FAAH2: variants seen among roughly 807,000 people sequenced by gnomAD.
The protein encoded by FAAH2 is fatty acid amide hydrolase 2.
In FAAH2, 60 loss-of-function variants were observed where a neutral mutation model predicts 36.9. The observed-to-expected ratio is 1.63, with a 90% CI of 1.32 to 2.02. FAAH2 has a LOEUF of 2.02. Ranked by LOEUF, FAAH2 falls within the 30% of genes most tolerant of loss-of-function variation. The pLI is 0.00. For synonymous variants in FAAH2, 214 were observed against 143.8 expected, an observed-to-expected ratio of 1.49 and a Z score of -3.49; for missense variants, 689 against 397.5, an observed-to-expected ratio of 1.73 and a Z score of -6.23.
chrX:57,276,403 C>A, the FAAH2 span, among the ~76,000 whole-genome samples: 542 of 112,003 alleles, frequency 4.8e-3, 3 homozygotes, highest in African/African-American at 0.017. Context: ...ATACCAGAAT[C>A]TTTGTGACAC....
At chrX:57,258,109 T>C in the FAAH2 span, among the ~76,000 whole-genome samples, 1 of 111,146 alleles carries the variant, frequency 9.0e-6, no homozygotes, top group African/African-American at 3.3e-5. Flanking sequence ...CATAGAACAG[T>C]GGAACAGAAT....
intron 7 of FAAH2, among the ~76,000 whole-genome samples, chrX:57,383,258 A>G (rs2054907855): frequency 8.9e-6 from 1 of 112,084 alleles, no homozygotes; most frequent in African/African-American, 3.2e-5. Flanking sequence ...CCCTTTGAAA[A>G]CTGGCACAAG....
intron 10 of FAAH2, among the ~76,000 whole-genome samples, chrX:57,480,263 G>A (rs769586367): frequency 1.5e-4 from 17 of 111,725 alleles, no homozygotes; most frequent in African/African-American, 5.5e-4. Flanking sequence ...CTCATTTTAT[G>A]GGGCCAGCAT....
At chrX:57,365,198 G>T (rs766484192) in intron 5 of FAAH2, among the ~76,000 whole-genome samples, 2 of 111,981 alleles carry the variant, frequency 1.8e-5, no homozygotes, top group East Asian at 5.6e-4. Flanking sequence ...GCAGGTACTG[G>T]TCTTTCATTT....
At chrX:57,269,758 C>T in the FAAH2 span, among the ~76,000 whole-genome samples, 5 of 110,920 alleles carry the variant, frequency 4.5e-5, no homozygotes, top group Non-Finnish European at 9.4e-5. Context: ...GCACTAAATG[C>T]CCACAGAAAA....
intron 5 of FAAH2, among the ~76,000 whole-genome samples, chrX:57,359,481 A>T (rs571582631): frequency 3.6e-5 from 4 of 111,667 alleles, no homozygotes; most frequent in South Asian, 3.7e-4. Context: ...ATAGATTGGA[A>T]ATCATGTTTT....
chrX:57,153,364 T>G, the FAAH2 span, among the ~76,000 whole-genome samples: 2 of 112,386 alleles, frequency 1.8e-5, no homozygotes, highest in Non-Finnish European at 3.8e-5. Flanking sequence ...CCATTTATAT[T>G]CAATGTTAGT....
the FAAH2 span, among the ~76,000 whole-genome samples, chrX:57,273,290 A>G: frequency 1.9e-4 from 21 of 111,417 alleles, no homozygotes; most frequent in Non-Finnish European, 3.6e-4. Context: ...AGAAAGACTT[A>G]GACTCCCACA....
At chrX:57,447,885 G>C (rs1407471112) in intron 9 of FAAH2, among the ~76,000 whole-genome samples, 1 of 112,192 alleles carries the variant, frequency 8.9e-6, no homozygotes, top group Non-Finnish European at 1.9e-5. Flanking sequence ...ATTAACATTT[G>C]GATCCTCCTT....
At chrX:57,444,847 C>A (rs1410575479) in intron 8 of FAAH2, among the ~76,000 whole-genome samples, 2 of 111,767 alleles carry the variant, frequency 1.8e-5, no homozygotes, top group African/African-American at 3.3e-5. Context: ...AAATTTTAAT[C>A]TTTAAAAAAT....
At chrX:57,372,553 T>C (rs2054577623) in intron 5 of FAAH2, among the ~76,000 whole-genome samples, 3 of 111,095 alleles carry the variant, frequency 2.7e-5, no homozygotes, top group African/African-American at 6.5e-5. Flanking sequence ...TTTATTTTTA[T>C]ATTCCAGGTC....
intron 8 of FAAH2, among the ~76,000 whole-genome samples, chrX:57,441,357 C>G (rs2056550353): frequency 9.0e-6 from 1 of 111,128 alleles, no homozygotes; most frequent in Non-Finnish European, 1.9e-5. Flanking sequence ...GGAATTTATC[C>G]GTTTCTTCTA....
At chrX:57,216,483 A>ATT in the FAAH2 span, among the ~76,000 whole-genome samples, 1 of 67,262 alleles carries the variant, frequency 1.5e-5, no homozygotes, top group Non-Finnish European at 3.0e-5. Flanking sequence ...GTAGTATTCT[A>ATT]TTATATATAT....
chrX:57,136,900 C>G, the FAAH2 span: 26 of 687,160 alleles, frequency 3.8e-5, no homozygotes, highest in Non-Finnish European at 5.4e-5. Context: ...TTTACTGCCA[C>G]TAGCATCCAC....
intron 2 of FAAH2, among the ~76,000 whole-genome samples, chrX:57,303,761 G>C (rs898952217): frequency 4.5e-5 from 5 of 111,528 alleles, no homozygotes; most frequent in Non-Finnish European, 9.4e-5. Flanking sequence ...TTAATATTTT[G>C]CCGTGCCTAA....
the FAAH2 span, among the ~76,000 whole-genome samples, chrX:57,179,390 A>G: frequency 1.8e-5 from 2 of 111,864 alleles, no homozygotes; most frequent in Non-Finnish European, 3.8e-5. Flanking sequence ...CTCACATGCA[A>G]TGACACCCAT....
In FAAH2 at chrX:57,454,021, G is replaced by A. The variant is rs775019439; in HGVS notation, c.1423+5303G>A. Among the ~76,000 whole-genome samples, 79 of 110,701 alleles carry A rather than the reference G, an allele frequency of 7.1e-4. 1 individual carries two copies. Among genetic ancestry groups the A allele is most frequent in the Non-Finnish European group, 6.1e-4 (32 of 52,822 alleles). On this transcript the variant is annotated intron_variant, in intron 10 of 10. Coordinates refer to ENST00000374900, the MANE Select transcript of FAAH2 (RefSeq NM_174912.4). ...GGGCATGGAACCAGTGATCGAAGGG[G>A]GCTCCTCCAAAGCCCAGGAGCCATC...
At chrX:57,355,976 G>A (rs2054148502) in intron 5 of FAAH2, among the ~76,000 whole-genome samples, 1 of 110,460 alleles carries the variant, frequency 9.1e-6, no homozygotes, top group African/African-American at 3.3e-5. Context: ...TTATTTGTTG[G>A]CTTTTTTGTC....
At chrX:57,225,048 CT>C in the FAAH2 span, among the ~76,000 whole-genome samples, 1 of 111,882 alleles carries the variant, frequency 8.9e-6, no homozygotes, top group South Asian at 3.7e-4. Flanking sequence ...CTTGGTTAAT[CT>C]TGCTAATGGT....
Sources: allele counts gnomAD v4.1 joint callset (sites outside exome capture counted in the v4.1 genomes callset), GRCh38; gene constraint gnomAD v4.1.1; transcripts MANE v1.5; gene names NCBI Gene and HGNC (gene_info 2026-07-23, HGNC 2026-07-21).